ARHGAP24: variants seen among roughly 807,000 people sequenced by gnomAD.
ARHGAP24 encodes rho GTPase-activating protein 24.
Under a neutral mutation model 76.4 loss-of-function variants are expected in ARHGAP24, and 50 were observed. The ratio of observed to expected loss-of-function variants is 0.65; its 90% CI spans 0.52 to 0.83. ARHGAP24 has a LOEUF of 0.83. Ranked by LOEUF, ARHGAP24 falls within the 40% of genes least tolerant of loss-of-function variation. The pLI is 0.00. For synonymous variants in ARHGAP24, 345 were observed against 323.3 expected (o/e 1.07, Z -0.72); for missense variants, 930 against 914.2 (o/e 1.02, Z -0.22).
chr4:85,568,554 C>G (rs574141516), intron 1 of ARHGAP24, among the ~76,000 whole-genome samples: 16 of 152,236 alleles, frequency 1.1e-4, no homozygotes, highest in African/African-American at 2.2e-4. Context: ...CTTGGCTCAT[C>G]ATAGTAGGTC....
chr4:85,574,751 C>T (rs1195992277), intron 2 of ARHGAP24, among the ~76,000 whole-genome samples: 1 of 152,144 alleles, frequency 6.6e-6, no homozygotes, highest in Non-Finnish European at 1.5e-5. Flanking sequence ...ATTAGATTTT[C>T]CTTACGTCTC....
intron 1 of ARHGAP24, among the ~76,000 whole-genome samples, chr4:85,562,474 A>G (rs1360217717): frequency 2.0e-5 from 3 of 152,076 alleles, no homozygotes; most frequent in Non-Finnish European, 4.4e-5. Flanking sequence ...GATTTTATTC[A>G]AGGTTGAGCC....
At chr4:85,630,361 T>G (rs183985952) in intron 2 of ARHGAP24, among the ~76,000 whole-genome samples, 20 of 152,366 alleles carry the variant, frequency 1.3e-4, no homozygotes, top group Admixed American at 1.0e-3. Flanking sequence ...TCTTTAGGGT[T>G]GGTGACTGTT....
At chr4:85,836,271 T>C (rs1417912480) in intron 3 of ARHGAP24, among the ~76,000 whole-genome samples, 1 of 152,242 alleles carries the variant, frequency 6.6e-6, no homozygotes, top group Non-Finnish European at 1.5e-5. Flanking sequence ...GTACCTGTAT[T>C]ACTTTCTCAA....
At chr4:85,638,055 A>G (rs1472512444) in intron 2 of ARHGAP24, among the ~76,000 whole-genome samples, 1 of 152,060 alleles carries the variant, frequency 6.6e-6, no homozygotes, top group Admixed American at 6.6e-5. Context: ...AGTAATCAGC[A>G]CCAGGGCAGG....
intron 2 of ARHGAP24, among the ~76,000 whole-genome samples, chr4:85,621,357 A>G (rs778533035): frequency 1.2e-4 from 18 of 152,068 alleles, no homozygotes; most frequent in Admixed American, 3.3e-4. Context: ...GCCTTCCACA[A>G]TGGCTGAAAT....
At chr4:85,960,228 A>C (rs1172123062) in intron 5 of ARHGAP24, among the ~76,000 whole-genome samples, 1 of 152,226 alleles carries the variant, frequency 6.6e-6, no homozygotes, top group African/African-American at 2.4e-5. Flanking sequence ...AAAAGTTTTA[A>C]AAGAATTCAA....
At chr4:85,663,058 G>C (rs1023368926) in intron 2 of ARHGAP24, among the ~76,000 whole-genome samples, 2 of 151,992 alleles carry the variant, frequency 1.3e-5, no homozygotes, top group Admixed American at 6.6e-5. Context: ...TCTAAAGAAA[G>C]TCATTGGTAG....
At chr4:85,868,886 T>C (rs1054777065) in intron 3 of ARHGAP24, among the ~76,000 whole-genome samples, 2 of 152,172 alleles carry the variant, frequency 1.3e-5, no homozygotes, top group African/African-American at 4.8e-5. Context: ...ATCTTTCATA[T>C]GTTGCCAGGT....
chr4:85,567,925 G>T (rs1367415454), intron 1 of ARHGAP24, among the ~76,000 whole-genome samples: 1 of 152,036 alleles, frequency 6.6e-6, no homozygotes, highest in Non-Finnish European at 1.5e-5. Context: ...TTAATGAATT[G>T]TTACAATTAG....
intron 3 of ARHGAP24, among the ~76,000 whole-genome samples, chr4:85,868,225 A>G (rs1732317746): frequency 6.6e-6 from 1 of 152,136 alleles, no homozygotes; most frequent in Admixed American, 6.6e-5. Context: ...GTTATTGTCT[A>G]AAGACCTGAA....
At chr4:85,617,867 A>G (rs1334309623) in intron 2 of ARHGAP24, among the ~76,000 whole-genome samples, 2 of 152,186 alleles carry the variant, frequency 1.3e-5, no homozygotes, top group Non-Finnish European at 2.9e-5. Flanking sequence ...TTGAGAAACA[A>G]AAATTCTATA....
At chr4:85,774,605 C>T (rs1481630741) in intron 3 of ARHGAP24, among the ~76,000 whole-genome samples, 1 of 152,166 alleles carries the variant, frequency 6.6e-6, no homozygotes, top group Non-Finnish European at 1.5e-5. Context: ...TAGTTAGGTA[C>T]ATATATCCAC....
intron 5 of ARHGAP24, among the ~76,000 whole-genome samples, chr4:85,968,984 C>T (rs1269410061): frequency 6.6e-6 from 1 of 152,086 alleles, no homozygotes; most frequent in African/African-American, 2.4e-5. Flanking sequence ...TAATGTATCA[C>T]TTCTGGGAAG....
At chr4:85,570,493 A>T (rs1578044836) in intron 1 of ARHGAP24, 29 bp from the exon 2 acceptor site, 1 of 1,583,650 alleles carries the variant, frequency 6.3e-7, no homozygotes. Flanking sequence ...GCACCTCATT[A>T]TTTTCCTTTC....
rs140899990 is a variant in ARHGAP24 at position 85,946,436 on chromosome 4, G to A, written c.599+4163G>A. ...AATGAATCTGTAACCCAAGTAGTGA[G>A]CGTAGTACGCCAATAGGCAGTTTAT... On this transcript the variant is annotated intron_variant, in intron 5 of 9. Transcript: ENST00000395184. Among the ~76,000 whole-genome samples, 9 of 152,270 alleles carry A rather than the reference G, an allele frequency of 5.9e-5. No individual in the cohort carries two copies. In the East Asian group the frequency reaches 1.5e-3, roughly 26 times the overall value.
At chr4:85,650,360 C>T (rs1319975521) in intron 2 of ARHGAP24, among the ~76,000 whole-genome samples, 1 of 149,648 alleles carries the variant, frequency 6.7e-6, no homozygotes, top group Non-Finnish European at 1.5e-5. Flanking sequence ...TTTCAATATT[C>T]AATGTGTATG....
chr4:85,717,976 C>T (rs983212918), intron 2 of ARHGAP24, among the ~76,000 whole-genome samples: 4 of 152,094 alleles, frequency 2.6e-5, no homozygotes, highest in Non-Finnish European at 4.4e-5. Flanking sequence ...CTGACTTGTA[C>T]TTATTTATTA....
At chr4:85,505,544 G>A (rs1724009264) in intron 1 of ARHGAP24, among the ~76,000 whole-genome samples, 1 of 152,144 alleles carries the variant, frequency 6.6e-6, no homozygotes. Flanking sequence ...GCGTCACAAA[G>A]TTCTAATGCC....
Sources: gnomAD v4.1 joint callset for allele counts (sites outside exome capture counted in the v4.1 genomes callset) on GRCh38, gnomAD v4.1.1 for gene constraint, MANE v1.5 for transcripts, NCBI Gene and HGNC (gene_info 2026-07-23, HGNC 2026-07-21) for gene names.